UGT1A1: variants seen among roughly 807,000 people sequenced by gnomAD.
UGT1A1 encodes the protein UDP glucuronosyltransferase family 1 member A1, also known as UDP-glucuronosyltransferase 1A1.
A neutral mutation model predicts 40.6 loss-of-function variants in UGT1A1; 33 were observed. The observed-to-expected ratio is 0.81, with a 90% CI of 0.62 to 1.09. UGT1A1 has a LOEUF of 1.09. UGT1A1 is among the 50% of genes least tolerant of loss of function. The probability of loss-of-function intolerance (pLI) is 0.00; values close to 1 mark genes in which losing one functional copy is unlikely to be tolerated. For missense variants in UGT1A1, 694 were observed against 671.2 expected (o/e 1.03, Z -0.38); for synonymous variants, 249 against 265.0 (o/e 0.94, Z 0.59).
rs1375729895 is a variant in UGT1A1 at position 233,760,910 on chromosome 2, A to G, written c.623A>G (p.Gln208Arg). Residue 208 changes from glutamine (Q) to arginine (R), a missense_variant, in exon 1 of 5, where the codon CAG (glutamine) becomes CGG (arginine). Gln to Arg is a conservative substitution (Grantham distance 43, BLOSUM62 1). Transcript: ENST00000305208. ...SSHSDHMTFL[Q>R]RVKNMLIAFS... ...CATTCAGATCACATGACCTTCCTGCAGCGGGTGAAGAACATGCTCATTGCC... is the reference window on the plus strand; with the variant it reads ...CATTCAGATCACATGACCTTCCTGCGGCGGGTGAAGAACATGCTCATTGCC... 2 of 1,614,074 alleles carry G rather than the reference A, an allele frequency of 1.2e-6. No homozygotes were observed. The highest frequency in any genetic ancestry group is 1.7e-6 in the Non-Finnish European group (2 of 1,180,036).
At chr2:233,763,469 A>G (rs1698318094) in intron 1 of UGT1A1, among the ~76,000 whole-genome samples, 1 of 152,180 alleles carries the variant, frequency 6.6e-6, no homozygotes, top group South Asian at 2.1e-4. Flanking sequence ...CTAACAATTA[A>G]TAGATTTGAT....
At chr2:233,771,833 T>G (rs1411315562) in intron 4 of UGT1A1, among the ~76,000 whole-genome samples, 1 of 137,650 alleles carries the variant, frequency 7.3e-6, no homozygotes, top group Non-Finnish European at 1.6e-5. Flanking sequence ...CCTTCCCTCC[T>G]TCTCTTCCTT....
In UGT1A1 at chr2:233,760,382, T is replaced by G. The variant is rs1697426202; in HGVS notation, c.95T>G (p.Leu32Trp). The stretch of plus-strand genomic sequence containing the variant: ...GTGTCCCATGCTGGGAAGATACTGT[T>G]GATCCCAGTGGATGGCAGCCACTGG... ...PVVSHAGKIL[L>W]IPVDGSHWLS... Residue 32 changes from leucine to tryptophan, a missense_variant, in exon 1 of 5, where the codon TTG (leucine) becomes TGG (tryptophan). Coordinates refer to ENST00000305208, the MANE Select transcript of UGT1A1 (RefSeq NM_000463.3). 1 of 1,614,082 alleles carries G rather than the reference T, an allele frequency of 6.2e-7. No homozygotes were observed. Among genetic ancestry groups the G allele is most frequent in the African/African-American group, 1.3e-5 (1 of 74,926 alleles).
rs759620086 is a variant in UGT1A1 at position 233,760,630 on chromosome 2, A to G, written c.343A>G (p.Lys115Glu). ...GCAGCGTGTGATCAAAACATACAAG[A>G]AAATAAAAAAGGACTCTGCTATGCT... ...FLQRVIKTYK[K>E]IKKDSAMLLS... The change falls in exon 1 of 5, where the codon AAA becomes GAA. Residue 115 changes from lysine (K) to glutamate (E), a missense_variant. Transcript: ENST00000305208. 1 of 1,614,164 alleles carries G rather than the reference A, an allele frequency of 6.2e-7. No individual in the cohort carries two copies. Among genetic ancestry groups the G allele is most frequent in the South Asian group, 1.1e-5 (1 of 91,078 alleles).
rs950198102 is a variant in UGT1A1 at position 233,769,900 on chromosome 2, C to G, written c.1304+1461C>G. ...TGAAAAGTCCACATAACCTGAGCAT[C>G]ATGTGCCCAGAGCGTTGGGTGGTGT... is the stretch of plus-strand genomic sequence containing the variant. On this transcript the variant is annotated intron_variant, in intron 4 of 4. Transcript: ENST00000305208. The surrounding 1 kb of genome is among the most constrained non-coding windows in gnomAD (Gnocchi z 4.4). 3.8e-5 allele frequency: 13 copies of G among 342,836 alleles called. No individual in the cohort carries two copies. The highest frequency in any genetic ancestry group is 6.8e-5 in the Non-Finnish European group (13 of 189,812). 21.2% of individuals were successfully genotyped at this position (342,836 alleles called of 1,614,324 possible). A position where few individuals can be genotyped will look rare whatever the true frequency, so the allele number is the denominator to read the frequency against.
chr2:233,765,063 G>A (rs1333981989), intron 1 of UGT1A1, among the ~76,000 whole-genome samples: 3 of 152,054 alleles, frequency 2.0e-5, no homozygotes, highest in Non-Finnish European at 4.4e-5. Flanking sequence ...CCCTGTCAGA[G>A]GTCTCCTGTG....
chr2:233,768,895 A>G (rs962281870), intron 4 of UGT1A1, among the ~76,000 whole-genome samples: 6 of 152,074 alleles, frequency 3.9e-5, no homozygotes, highest in African/African-American at 1.4e-4. Context: ...GGATTTATAA[A>G]TAAGATAATT....
intron 1 of UGT1A1, among the ~76,000 whole-genome samples, chr2:233,766,276 CCCGGGCTCG>C (rs1699094963): frequency 2.0e-5 from 3 of 151,848 alleles, no homozygotes; most frequent in Non-Finnish European, 1.5e-5. Flanking sequence ...GGCTCGGTGG[CCCGGGCTCG>C]GTGGCCTGGG....
chr2:233,760,293 T>A lies in UGT1A1; in HGVS notation c.6T>A (p.Ala2=), dbSNP rs1359528738. ...CTGGCAGGAGCAAAGGCGCCATGGC[T>A]GTGGAGTCCCAGGGCGGACGCCCAC... M[A]VESQGGRPLV... Residue 2 remains alanine (A), a synonymous_variant, in exon 1 of 5, where the codon GCT becomes GCA. Transcript: ENST00000305208. The A allele has an allele frequency of 6.2e-7, 1 of 1,613,450 alleles. No homozygotes were observed. Among genetic ancestry groups the A allele is most frequent in the South Asian group, 1.1e-5 (1 of 91,042 alleles).
rs1273237448 is a variant in UGT1A1 at position 233,760,469 on chromosome 2, C to G, written c.182C>G (p.Ala61Gly). The G allele has an allele frequency of 6.2e-6, 10 of 1,614,092 alleles. No homozygotes were observed. The highest frequency in any genetic ancestry group is 2.2e-5 in the South Asian group (2 of 91,086). The change falls in exon 1 of 5, where the codon GCA becomes GGA. Residue 61 changes from alanine to glycine, a missense_variant. Transcript: ENST00000305208. ...QQRGHEIVVL[A>G]PDASLYIRDG... is the part of the protein sequence containing the mutation. The stretch of plus-strand genomic sequence containing the variant: ...AGGGGACATGAAATAGTTGTCCTAG[C>G]ACCTGACGCCTCGTTGTACATCAGA...
In UGT1A1 at chr2:233,772,554, C is replaced by T. The variant is rs768200668; in HGVS notation, c.1597C>T (p.His533Tyr). 6.2e-7 allele frequency: 1 copy of T among 1,613,984 alleles called. No homozygotes were observed. The highest frequency in any genetic ancestry group is 1.1e-5 in the South Asian group (1 of 91,072). ...TAAGAAAGCCCACAAATCCAAGACC[C>T]ATTGAGAAGTGGGTGGGAAATAAGG... Reference protein sequence around the residue: ...RVKKAHKSKTH With the variant: ...RVKKAHKSKTY The change falls in exon 5 of 5, where the codon CAT (histidine) becomes TAT (tyrosine). Residue 533 changes from histidine (H) to tyrosine (Y), a missense_variant. Physicochemically the swap from His to Tyr is moderately conservative, Grantham distance 83. Coordinates refer to ENST00000305208, the MANE Select transcript of UGT1A1 (RefSeq NM_000463.3).
rs774552419 is a variant in UGT1A1 at position 233,767,911 on chromosome 2, G to A, written c.1059G>A (p.Lys353=). ...SNLANNTILV[K]WLPQNDLLGH... is the part of the protein sequence containing the mutation. Reference sequence around the variant, plus strand: ...TTGCGAACAACACGATACTTGTTAAGTGGCTACCCCAAAACGATCTGCTTG... The same window carrying A: ...TTGCGAACAACACGATACTTGTTAAATGGCTACCCCAAAACGATCTGCTTG... The change falls in exon 3 of 5, where the codon AAG becomes AAA. Residue 353 remains lysine (K), a synonymous_variant. Coordinates refer to ENST00000305208, the MANE Select transcript of UGT1A1 (RefSeq NM_000463.3). 13 of 1,614,068 alleles carry A rather than the reference G, an allele frequency of 8.1e-6. No homozygotes were observed. The highest frequency in any genetic ancestry group is 1.3e-5 in the African/African-American group (1 of 74,916).
At position 233,769,785 on chromosome 2, in the gene UGT1A1, T is replaced by G; in HGVS notation, c.1304+1346T>G. The G allele has an allele frequency of 7.5e-7, 1 of 1,329,352 alleles. No individual in the cohort carries two copies. Among genetic ancestry groups the G allele is most frequent in the Non-Finnish European group, 9.9e-7 (1 of 1,011,114 alleles). 82.3% of individuals were successfully genotyped at this position (1,329,352 alleles called of 1,614,324 possible). A position where few individuals can be genotyped will look rare whatever the true frequency, so the allele number is the denominator to read the frequency against. Reference sequence around the variant, plus strand: ...CGGGAGGATTGCTTGAGCCCAGAAGTTGGAGGCTGCTATGAGCCGTGATCA... The same window carrying G: ...CGGGAGGATTGCTTGAGCCCAGAAGGTGGAGGCTGCTATGAGCCGTGATCA... On this transcript the variant is annotated intron_variant, in intron 4 of 4. Coordinates refer to ENST00000305208, the MANE Select transcript of UGT1A1 (RefSeq NM_000463.3). The surrounding 1 kb of genome is among the most constrained non-coding windows in gnomAD (Gnocchi z 4.4).
At position 233,772,691 on chromosome 2, in the gene UGT1A1, T is replaced by G. The variant is rs1314986383; in HGVS notation, c.*132T>G. ...TTGCATAAATTAATCAGCCCCAGAG[T>G]GCTTTAAAAAATTCTCTTAAATAAA... On this transcript the variant is annotated 3_prime_UTR_variant, in exon 5 of 5. Transcript: ENST00000305208. 1 of 1,488,486 alleles carries G rather than the reference T, an allele frequency of 6.7e-7. No individual in the cohort carries two copies. Among genetic ancestry groups the G allele is most frequent in the African/African-American group, 1.4e-5 (1 of 70,486 alleles). The allele number at this position is 1,488,486 out of a possible 1,614,324, so 92.2% of individuals were successfully genotyped here. A position where few individuals can be genotyped will look rare whatever the true frequency, so the allele number is the denominator to read the frequency against.
intron 4 of UGT1A1, chr2:233,771,247 T>G (rs1205920576): frequency 6.6e-6 from 1 of 152,190 alleles, no homozygotes; most frequent in Non-Finnish European, 1.5e-5. Flanking sequence ...TAATTAGTCC[T>G]GAATAGGAGT....
rs200734586 is a variant in UGT1A1 at position 233,760,641 on chromosome 2, G to T, written c.354G>T (p.Lys118Asn). ...TCAAAACATACAAGAAAATAAAAAA[G>T]GACTCTGCTATGCTTTTGTCTGGCT... The part of the protein sequence containing the change: ...RVIKTYKKIK[K>N]DSAMLLSGCS... The change falls in exon 1 of 5, where the codon AAG becomes AAT. Residue 118 changes from lysine (K) to asparagine (N), a missense_variant. Physicochemically the swap from Lys to Asn is moderately conservative, Grantham distance 94. Transcript: ENST00000305208. The T allele has an allele frequency of 1.5e-4, 243 of 1,614,044 alleles. No individual in the cohort carries two copies. The highest frequency in any genetic ancestry group is 2.0e-4 in the Non-Finnish European group (236 of 1,180,030).
At position 233,772,584 on chromosome 2, in the gene UGT1A1, A is replaced by T; in HGVS notation, c.*25A>T. 6.2e-7 allele frequency: 1 copy of T among 1,604,676 alleles called. No homozygotes were observed. The highest frequency in any genetic ancestry group is 8.5e-7 in the Non-Finnish European group (1 of 1,174,986). On this transcript the variant is annotated 3_prime_UTR_variant, in exon 5 of 5. Transcript: ENST00000305208. ...AGAAGTGGGTGGGAAATAAGGTAAAATTTTGAACCATTCCCTAGTCATTTC... is the reference window on the plus strand; with the variant it reads ...AGAAGTGGGTGGGAAATAAGGTAAATTTTTGAACCATTCCCTAGTCATTTC...
At position 233,761,102 on chromosome 2, in the gene UGT1A1, T is replaced by C. The variant is rs1487885628; in HGVS notation, c.815T>C (p.Met272Thr). The change falls in exon 1 of 5, where the codon ATG (methionine) becomes ACG (threonine). Residue 272 changes from methionine to threonine, a missense_variant. Coordinates refer to ENST00000305208, the MANE Select transcript of UGT1A1 (RefSeq NM_000463.3). ...TACCCTAGGCCCATCATGCCCAATATGGTTTTTGTTGGTGGAATCAACTGC... is the reference window on the plus strand; with the variant it reads ...TACCCTAGGCCCATCATGCCCAATACGGTTTTTGTTGGTGGAATCAACTGC... ...KDYPRPIMPNMVFVGGINCLH... is the reference protein window; with the variant it reads ...KDYPRPIMPNTVFVGGINCLH... 1 of 1,614,116 alleles carries C rather than the reference T, an allele frequency of 6.2e-7. No homozygotes were observed. Among genetic ancestry groups the C allele is most frequent in the Admixed American group, 1.7e-5 (1 of 60,008 alleles).
intron 2 of UGT1A1, among the ~76,000 whole-genome samples, 198 bp downstream of exon 2, chr2:233,767,363 TTAAA>T (rs1699378447): frequency 6.6e-6 from 1 of 152,194 alleles, no homozygotes; most frequent in African/African-American, 2.4e-5. Context: ...AAATACTCTA[TTAAA>T]CTATGATCCA....
Sources: gnomAD v4.1 joint callset for allele counts (sites outside exome capture counted in the v4.1 genomes callset) on GRCh38, gnomAD v4.1.1 for gene constraint, Gnocchi (gnomAD v3.1) non-coding constraint, MANE v1.5 for transcripts, NCBI Gene and HGNC (gene_info 2026-07-23, HGNC 2026-07-21) for gene names.